Variants in DNHD1 observed in about 807,000 individuals in gnomAD.
The protein encoded by DNHD1 is dynein heavy chain domain 1, also known as dynein heavy chain domain-containing protein 1.
A neutral mutation model predicts 458.1 loss-of-function variants in DNHD1; 383 were observed. The observed-to-expected ratio is 0.84, with a 90% CI of 0.77 to 0.91. The LOEUF (loss-of-function observed/expected upper bound fraction) is 0.91. Among genes scored for constraint, DNHD1 ranks in the 40% least tolerant of loss-of-function variants. The pLI, the probability that DNHD1 is intolerant of heterozygous loss-of-function variation, is 0.00. For synonymous variants in DNHD1, 2,203 were observed against 2,376.9 expected (o/e 0.93, Z 2.13); for missense variants, 5,336 against 5,866.1 (o/e 0.91, Z 2.95).
At chr11:6,501,540 A>G (rs983005180) in intron 3 of DNHD1, among the ~76,000 whole-genome samples, 7 of 152,044 alleles carry the variant, frequency 4.6e-5, no homozygotes, top group African/African-American at 1.7e-4. Flanking sequence ...GTGTGGGGGA[A>G]GGCAACTGAA....
rs1334829119 is a variant in DNHD1, at chr11:6,533,030, C to T, written c.2351C>T (p.Ser784Phe). 6 of 1,551,468 alleles carry T rather than the reference C, an allele frequency of 3.9e-6. No individual in the cohort carries two copies. The highest frequency in any genetic ancestry group is 5.2e-6 in the Non-Finnish European group (6 of 1,146,914). Reference sequence around the variant, plus strand: ...CACCTTACTCTCCTGTCTCCAGAATCCAAGCTGAACAGCATAAGGAAGGAC... The same window carrying T: ...CACCTTACTCTCCTGTCTCCAGAATTCAAGCTGAACAGCATAAGGAAGGAC... Reference protein sequence around the residue: ...SCHDVQAEMESKLNSIRKDIL... With the variant: ...SCHDVQAEMEFKLNSIRKDIL... Residue 784 changes from serine to phenylalanine, a missense_variant, in exon 13 of 43, where the codon TCC becomes TTC. Around this residue, in one of 4 missense-constraint regions of DNHD1, gnomAD observed 3,932 missense variants for 4,365.6 expected, o/e 0.90. Transcript: ENST00000254579.
intron 24 of DNHD1, among the ~76,000 whole-genome samples, chr11:6,551,800 G>A (rs946017333): frequency 6.6e-6 from 1 of 152,164 alleles, no homozygotes; most frequent in Non-Finnish European, 1.5e-5. Context: ...AATTAGCTGG[G>A]CATGGTGGCA....
Position 6,529,100 on chromosome 11 carries a change from C to A in DNHD1, c.2326C>A (p.His776Asn). ...AGGCGGGTTGCTGCTACTTAGCTGC[C>A]ATGATGTACAGGCAGAGATGGGTGA... ...TKGGLLLLSC[H>N]DVQAEMESKL... is the part of the protein sequence containing the mutation. The change falls in exon 12 of 43, where the codon CAT (histidine) becomes AAT (asparagine). Residue 776 changes from histidine (H) to asparagine (N), a missense_variant. This residue lies in a region of DNHD1 where 3,932 missense variants were observed against 4,365.6 expected (regional missense o/e 0.90). Coordinates refer to ENST00000254579, the MANE Select transcript of DNHD1 (RefSeq NM_144666.3). 1 of 1,550,228 alleles carries A rather than the reference C, an allele frequency of 6.5e-7. No homozygotes were observed. Among genetic ancestry groups the A allele is most frequent in the South Asian group, 1.2e-5 (1 of 83,978 alleles).
rs1168199042 is a variant in DNHD1 at position 6,571,036 on chromosome 11, GC to G, written c.13525del (p.Gln4509SerfsTer2). ...LQRDLDCLLQ[Q>X]LKGAPPCPSR... ...AACGCGACCTTGATTGCCTGTTGCA[GC>G]AGCTGAAGGGCGCACCCCCGTGCCC... On this transcript the variant is annotated frameshift_variant, in exon 42 of 43. Coordinates refer to ENST00000254579, the MANE Select transcript of DNHD1 (RefSeq NM_144666.3). LOFTEE classifies it high-confidence loss of function. The surrounding 1 kb of genome is among the most constrained non-coding windows in gnomAD (Gnocchi z 5.0). The G allele has an allele frequency of 1.0e-5, 16 of 1,583,508 alleles. No homozygotes were observed. The highest frequency in any genetic ancestry group is 1.3e-5 in the Non-Finnish European group (15 of 1,162,234).
rs1853683866 is a variant in DNHD1, at chr11:6,565,940, T to G, written c.11002T>G (p.Ser3668Ala). ...LPSLPYLSVLSGADPELGSQL... is the reference protein window; with the variant it reads ...LPSLPYLSVLAGADPELGSQL... The stretch of plus-strand genomic sequence containing the variant: ...ATCCCTTCCCTACCTTAGTGTTCTT[T>G]CAGGTGCTGACCCAGAGCTGGGTTC... Residue 3668 changes from serine (S) to alanine (A), a missense_variant, in exon 33 of 43, where the codon TCA (serine) becomes GCA (alanine). Ser to Ala is a moderately conservative substitution (Grantham distance 99, BLOSUM62 1). Transcript: ENST00000254579. 1 of 1,551,654 alleles carries G rather than the reference T, an allele frequency of 6.4e-7. No individual in the cohort carries two copies. The highest frequency in any genetic ancestry group is 1.4e-5 in the African/African-American group (1 of 73,124).
At chr11:6,524,052 G>T (rs375269604) in intron 10 of DNHD1, among the ~76,000 whole-genome samples, 1 of 152,288 alleles carries the variant, frequency 6.6e-6, no homozygotes, top group African/African-American at 2.4e-5. Context: ...TATGAAGTTA[G>T]TGATTTTTGT....
chr11:6,502,724 CT>C (rs1170516853), intron 3 of DNHD1, 28 bp from the exon 4 acceptor site: 3 of 1,551,134 alleles, frequency 1.9e-6, no homozygotes, highest in Non-Finnish European at 2.6e-6. Flanking sequence ...TTTACTCTGC[CT>C]TTTCTCTCCT....
intron 6 of DNHD1, among the ~76,000 whole-genome samples, chr11:6,509,983 A>G (rs1215718275): frequency 6.6e-6 from 1 of 152,226 alleles, no homozygotes; most frequent in Non-Finnish European, 1.5e-5. Context: ...ATATAGGTCC[A>G]GTGTGATCAG....
At chr11:6,499,715 GTGCCACC>G (rs1235493551) in intron 3 of DNHD1, among the ~76,000 whole-genome samples, 1 of 150,596 alleles carries the variant, frequency 6.6e-6, no homozygotes, top group African/African-American at 2.4e-5. Flanking sequence ...CTACAGGCAC[GTGCCACC>G]ATACTCAGCT....
At chr11:6,530,740 T>G (rs1252336510) in intron 12 of DNHD1, among the ~76,000 whole-genome samples, 1 of 152,186 alleles carries the variant, frequency 6.6e-6, no homozygotes, top group Non-Finnish European at 1.5e-5. Flanking sequence ...TCCCTCCTCT[T>G]GTACAGGGGG....
chr11:6,532,983 T>C, intron 12 of DNHD1, 44 bp from the exon 13 acceptor site: 1 of 1,540,012 alleles, frequency 6.5e-7, no homozygotes, highest in Non-Finnish European at 8.8e-7. Context: ...CCAGCACCCC[T>C]TCTTTTTTAT....
rs1379524095 is a variant in DNHD1, at chr11:6,557,441, C to T, written c.8146C>T (p.Gln2716Ter). ...AGTAGAATCTGAAGGGGAGTTGGCCCAGTGGGAGGACTTCAGCAACAGCAA... is the reference window on the plus strand; with the variant it reads ...AGTAGAATCTGAAGGGGAGTTGGCCTAGTGGGAGGACTTCAGCAACAGCAA... ...PEVESEGELA[Q>*]WEDFSNSNSE... is the part of the protein sequence containing the mutation. Residue 2716 changes from glutamine to a stop codon, truncating the protein, a stop_gained, in exon 25 of 43, where the codon CAG becomes TAG. Coordinates refer to ENST00000254579, the MANE Select transcript of DNHD1 (RefSeq NM_144666.3). LOFTEE classifies it high-confidence loss of function. The T allele has an allele frequency of 4.2e-5, 65 of 1,551,324 alleles. No individual in the cohort carries two copies. The highest frequency in any genetic ancestry group is 5.0e-5 in the Non-Finnish European group (57 of 1,147,068).
intron 31 of DNHD1, 47 bp downstream of exon 31, chr11:6,564,171 C>A (rs147982405): frequency 2.0e-6 from 3 of 1,525,918 alleles, no homozygotes; most frequent in Non-Finnish European, 2.7e-6. Flanking sequence ...CCTTTTATGC[C>A]GTTCGCCTGC....
intron 14 of DNHD1, among the ~76,000 whole-genome samples, chr11:6,535,599 C>A (rs894577464): frequency 2.0e-5 from 3 of 152,168 alleles, no homozygotes; most frequent in African/African-American, 7.2e-5. Context: ...AAATCTGGAA[C>A]AATTTGATCA....
intron 4 of DNHD1, among the ~76,000 whole-genome samples, chr11:6,507,725 A>AGG (rs1204416553): frequency 6.6e-6 from 1 of 152,180 alleles, no homozygotes; most frequent in African/African-American, 2.4e-5. Flanking sequence ...TGATTAAAGG[A>AGG]GGGGGCATGA....
rs1853850903 is a variant in DNHD1, at chr11:6,571,490, T to TA, written c.13911+68dup. On this transcript the variant is annotated intron_variant, in intron 42 of 42. Transcript: ENST00000254579. The surrounding 1 kb of genome is among the most constrained non-coding windows in gnomAD (Gnocchi z 5.0). ...GAAGTCTCTAATTACACCTCGCAGT[T>TA]ACCCCTTCTTGGTGATCTTGCCCCC... 6.8e-7 allele frequency: 1 copy of TA among 1,479,374 alleles called. No individual in the cohort carries two copies. 91.6% of individuals were successfully genotyped at this position (1,479,374 alleles called of 1,614,324 possible).
At chr11:6,549,731 C>T (rs1170777587) in intron 24 of DNHD1, among the ~76,000 whole-genome samples, 4 of 152,250 alleles carry the variant, frequency 2.6e-5, no homozygotes, top group African/African-American at 9.6e-5. Flanking sequence ...CTGTCCCTTT[C>T]ACCACACTTG....
At position 6,528,625 on chromosome 11, in the gene DNHD1, G is replaced by A. The variant is rs1201919629; in HGVS notation, c.1941G>A (p.Leu647=). The A allele has an allele frequency of 6.4e-7, 1 of 1,551,728 alleles. No individual in the cohort carries two copies. Among genetic ancestry groups the A allele is most frequent in the Non-Finnish European group, 8.7e-7 (1 of 1,147,000 alleles). ...VSIFCGPNVG[L]VWPWKSHPIA... ...TCTTCTGTGGCCCGAATGTGGGATT[G>A]GTGTGGCCCTGGAAGTCTCACCCAA... Residue 647 remains leucine, a synonymous_variant, in exon 11 of 43, where the codon TTG becomes TTA. Transcript: ENST00000254579.
chr11:6,498,092 C>A lies in DNHD1; in HGVS notation c.-124C>A. On this transcript the variant is annotated 5_prime_UTR_variant, in exon 3 of 43. Transcript: ENST00000254579. ...CCCTGCCCAGAGCCTGAGGTCCCTT[C>A]TCTGGCCCCTCTGCTGGGCTGGCCC... 1 of 1,388,972 alleles carries A rather than the reference C, an allele frequency of 7.2e-7. No homozygotes were observed. The highest frequency in any genetic ancestry group is 9.8e-7 in the Non-Finnish European group (1 of 1,015,714). The allele number at this position is 1,388,972 out of a possible 1,614,324, so 86.0% of individuals were successfully genotyped here. A position where few individuals can be genotyped will look rare whatever the true frequency, so the allele number is the denominator to read the frequency against.
Sources: gnomAD v4.1 joint callset for allele counts (sites outside exome capture counted in the v4.1 genomes callset) on GRCh38, gnomAD v4.1.1 for gene constraint, gnomAD v4.1.1 regional missense constraint, Gnocchi (gnomAD v3.1) non-coding constraint, MANE v1.5 for transcripts, NCBI Gene and HGNC (gene_info 2026-07-23, HGNC 2026-07-21) for gene names.